The following ZNF169 variants were observed in gnomAD, a reference collection of about 807,000 sequenced individuals.
ZNF169 encodes the protein zinc finger protein 169.
A neutral mutation model predicts 12.0 loss-of-function variants in ZNF169; 11 were observed. The observed-to-expected ratio is 0.92, with a 90% CI of 0.58 to 1.52. The LOEUF is 1.52. ZNF169 is among the 40% of genes most tolerant of loss of function. The pLI is 0.00. For missense variants in ZNF169, 722 were observed against 744.0 expected, an observed-to-expected ratio of 0.97 and a Z score of 0.34; for synonymous variants, 302 against 286.5, an observed-to-expected ratio of 1.05 and a Z score of -0.55.
At chr9:94,287,852 G>T in intron 2 of ZNF169, 1 of 1,040,966 alleles carries the variant, frequency 9.6e-7, no homozygotes. Flanking sequence ...TTTTAGCCGA[G>T]AAGTAGGCGT....
chr9:94,292,923 C>T (rs1363956385), intron 3 of ZNF169, 51 bp from the exon 4 acceptor site: 1 of 1,509,342 alleles, frequency 6.6e-7, no homozygotes, highest in East Asian at 2.3e-5. Flanking sequence ...CTGAGATAGC[C>T]TCTTAAGCCA....
chr9:94,263,397 C>T (rs1180718041), intron 1 of ZNF169, among the ~76,000 whole-genome samples: 1 of 152,104 alleles, frequency 6.6e-6, no homozygotes, highest in Non-Finnish European at 1.5e-5. Flanking sequence ...GTAATATAGC[C>T]ATTTCAGTCT....
intron 1 of ZNF169, among the ~76,000 whole-genome samples, chr9:94,264,228 G>A (rs561905492): frequency 1.4e-4 from 22 of 152,064 alleles, no homozygotes; most frequent in Non-Finnish European, 2.2e-4. Context: ...CTTCTGCCTC[G>A]CGGGTTCAAG....
At chr9:94,297,622 T>C (rs973963174) in intron 4 of ZNF169, among the ~76,000 whole-genome samples, 2 of 152,142 alleles carry the variant, frequency 1.3e-5, no homozygotes, top group Admixed American at 1.3e-4. Context: ...ATACAAAGAG[T>C]TTTTCTTAGG....
chr9:94,294,509 A>G (rs868649878), intron 4 of ZNF169: 3 of 152,074 alleles, frequency 2.0e-5, no homozygotes, highest in Admixed American at 6.6e-5. Context: ...GCCTCAACTT[A>G]TATAAGTTAT....
chr9:94,300,731 T>A lies in ZNF169; in HGVS notation c.1173T>A (p.Ser391Arg). 1 of 1,608,702 alleles carries A rather than the reference T, an allele frequency of 6.2e-7. No homozygotes were observed. The highest frequency in any genetic ancestry group is 8.5e-7 in the Non-Finnish European group (1 of 1,178,352). Residue 391 changes from serine to arginine, a missense_variant, in exon 5 of 5, where the codon AGT (serine) becomes AGA (arginine). Physicochemically the swap from Ser to Arg is moderately radical, Grantham distance 110 (BLOSUM62 -1). Coordinates refer to ENST00000395395, the MANE Select transcript of ZNF169 (RefSeq NM_194320.4). ...TCAGGCAGCAGTCACTCCTCCTTAG[T>A]CACCAGGTCACACACTCAGGAGAGA... The part of the protein sequence containing the change: ...RSFRQQSLLL[S>R]HQVTHSGEKP...
At chr9:94,261,179 C>CT (rs1225739502) in intron 1 of ZNF169, among the ~76,000 whole-genome samples, 1 of 152,076 alleles carries the variant, frequency 6.6e-6, no homozygotes, top group Admixed American at 6.5e-5. Flanking sequence ...GTAGCTGGGA[C>CT]TACAGGCACG....
At chr9:94,299,172 CGGAGG>C (rs1831006190) in intron 4 of ZNF169, among the ~76,000 whole-genome samples, 1 of 152,094 alleles carries the variant, frequency 6.6e-6, no homozygotes, top group South Asian at 2.1e-4. Flanking sequence ...TTCATTTGCC[CGGAGG>C]GCAGCATCAG....
At chr9:94,270,740 A>ATATTATATATTATATAT (rs1650018638) in intron 1 of ZNF169, among the ~76,000 whole-genome samples, 1 of 17,788 alleles carries the variant, frequency 5.6e-5, no homozygotes, top group Non-Finnish European at 9.9e-5. Flanking sequence ...TATATAATTA[A>ATATTATATATTATATAT]TGTATTTATA....
At chr9:94,272,346 A>G (rs924264902) in intron 1 of ZNF169, among the ~76,000 whole-genome samples, 2 of 152,108 alleles carry the variant, frequency 1.3e-5, no homozygotes, top group Non-Finnish European at 2.9e-5. Context: ...CTTTTTAAGT[A>G]TACTGTATAA....
At chr9:94,299,454 C>A in intron 4 of ZNF169, 2 of 936,846 alleles carry the variant, frequency 2.1e-6, no homozygotes, top group South Asian at 4.6e-5. Flanking sequence ...GCAGCTCAGA[C>A]ACCAAGTTCT....
chr9:94,278,735 T>TC, intron 1 of ZNF169, 23 bp from the exon 2 acceptor site: 1 of 1,419,532 alleles, frequency 7.0e-7, no homozygotes, highest in Non-Finnish European at 9.9e-7. Context: ...AGTACCTCTC[T>TC]CACTTCTCAT....
chr9:94,295,227 C>T (rs1165550207), intron 4 of ZNF169: 3 of 152,086 alleles, frequency 2.0e-5, no homozygotes, highest in African/African-American at 7.2e-5. Context: ...ACTCGGATGG[C>T]TGAGGAGTGA....
At chr9:94,260,890 A>G (rs11789438) in intron 1 of ZNF169, among the ~76,000 whole-genome samples, 21,999 of 121,390 alleles carry the variant, frequency 0.18, 3,191 homozygotes, top group Middle Eastern at 0.23. Flanking sequence ...GAGTGATCTC[A>G]GCTCACTGCA....
chr9:94,265,845 G>A (rs1830283022), intron 1 of ZNF169, among the ~76,000 whole-genome samples: 1 of 152,020 alleles, frequency 6.6e-6, no homozygotes, highest in Non-Finnish European at 1.5e-5. Flanking sequence ...AAACTTGTTT[G>A]TGGAGACCTA....
intron 4 of ZNF169, chr9:94,294,962 T>C (rs766605428): frequency 1.3e-5 from 2 of 152,372 alleles, no homozygotes; most frequent in African/African-American, 2.4e-5. Flanking sequence ...TTTTTTGCTT[T>C]TAAATGTAAC....
chr9:94,265,027 T>TTG (rs933318779), intron 1 of ZNF169, among the ~76,000 whole-genome samples: 9 of 148,116 alleles, frequency 6.1e-5, no homozygotes, highest in African/African-American at 1.5e-4. Context: ...CCCTGTTTTT[T>TTG]TTTTTTTTTT....
At chr9:94,288,052 T>C in intron 2 of ZNF169, 1 of 781,454 alleles carries the variant, frequency 1.3e-6, no homozygotes, top group Admixed American at 1.7e-5. Flanking sequence ...ACACTGTTGC[T>C]CTAGGTCACT....
chr9:94,291,491 A>G (rs987073439), intron 2 of ZNF169, among the ~76,000 whole-genome samples: 8 of 152,234 alleles, frequency 5.3e-5, no homozygotes, highest in African/African-American at 1.9e-4. Context: ...AGAAAAGGAA[A>G]TAAGAGACAT....
Sources: allele counts gnomAD v4.1 joint callset (sites outside exome capture counted in the v4.1 genomes callset), GRCh38; gene constraint gnomAD v4.1.1; transcripts MANE v1.5; gene names NCBI Gene and HGNC (gene_info 2026-07-23, HGNC 2026-07-21).